The following DIRAS2 variants were observed in gnomAD, a reference collection of about 807,000 sequenced individuals.
The protein encoded by DIRAS2 is GTP-binding protein Di-Ras2.
DIRAS2 carries 5 observed loss-of-function variants against 13.9 expected under a neutral mutation model. That is an observed-to-expected ratio of 0.36 (90% CI 0.19 to 0.76). DIRAS2 has a LOEUF of 0.76. Ranked by LOEUF, DIRAS2 falls within the 30% of genes least tolerant of loss-of-function variation. The pLI is 0.53. For missense variants in DIRAS2, 191 were observed against 263.0 expected, an observed-to-expected ratio of 0.73 and a Z score of 1.89; for synonymous variants, 111 against 105.4, an observed-to-expected ratio of 1.05 and a Z score of -0.33.
In DIRAS2 at chr9:90,611,153, A is replaced by C. The variant is rs947489581; in HGVS notation, c.*2075T>G. 6 of 152,222 alleles carry C rather than the reference A, an allele frequency of 3.9e-5. No individual in the cohort carries two copies. Among genetic ancestry groups the C allele is most frequent in the Admixed American group, 3.9e-4 (6 of 15,286 alleles). The allele number at this position is 152,222 out of a possible 1,614,324, so 9.4% of individuals were successfully genotyped here. A position where few individuals can be genotyped will look rare whatever the true frequency, so the allele number is the denominator to read the frequency against. ...TCTCTCAGAATAGAAACAGAAAAAA[A>C]ATGTCGGGACAAGTTGAAAAACAAA... On this transcript the variant is annotated 3_prime_UTR_variant, in exon 2 of 2. Coordinates refer to ENST00000375765, the MANE Select transcript of DIRAS2 (RefSeq NM_017594.5).
At chr9:90,632,349 G>A (rs1170006630) in intron 1 of DIRAS2, among the ~76,000 whole-genome samples, 4 of 151,982 alleles carry the variant, frequency 2.6e-5, no homozygotes. Context: ...TCTGCCTCAG[G>A]ACCTTTGCCC....
intron 1 of DIRAS2, among the ~76,000 whole-genome samples, chr9:90,632,795 C>T (rs532810347): frequency 5.9e-5 from 9 of 152,334 alleles, no homozygotes; most frequent in African/African-American, 7.2e-5. Flanking sequence ...GCCAGAACAA[C>T]GTAAGCAAAG....
intron 1 of DIRAS2, among the ~76,000 whole-genome samples, chr9:90,634,702 A>G (rs1431783415): frequency 6.6e-6 from 1 of 152,252 alleles, no homozygotes; most frequent in Non-Finnish European, 1.5e-5. Context: ...CAGTTGGTCC[A>G]ATGAAAACAG....
At chr9:90,616,702 A>T (rs1038473798) in intron 1 of DIRAS2, among the ~76,000 whole-genome samples, 2 of 133,500 alleles carry the variant, frequency 1.5e-5, no homozygotes, top group Non-Finnish European at 3.0e-5. Context: ...ATGCCACCGC[A>T]CTCCAGCCTG....
chr9:90,626,572 A>T (rs925067489), intron 1 of DIRAS2, among the ~76,000 whole-genome samples: 1 of 152,230 alleles, frequency 6.6e-6, no homozygotes, highest in South Asian at 2.1e-4. Context: ...GTGAAGTACT[A>T]CAATGAAGTA....
rs990512804 is a variant in DIRAS2 at position 90,611,030 on chromosome 9, A to T, written c.*2198T>A. 1 of 152,246 alleles carries T rather than the reference A, an allele frequency of 6.6e-6. No homozygotes were observed. The highest frequency in any genetic ancestry group is 2.4e-5 in the African/African-American group (1 of 41,476). 9.4% of individuals were successfully genotyped at this position (152,246 alleles called of 1,614,324 possible). ...GTGGCAAAGATCGCATTCTACTGTT[A>T]ACAAAGAACCCAATCAAAATCTATA... On this transcript the variant is annotated 3_prime_UTR_variant, in exon 2 of 2. Coordinates refer to ENST00000375765, the MANE Select transcript of DIRAS2 (RefSeq NM_017594.5).
intron 1 of DIRAS2, among the ~76,000 whole-genome samples, chr9:90,636,760 G>T (rs1360105175): frequency 2.0e-5 from 3 of 152,240 alleles, no homozygotes; most frequent in Non-Finnish European, 4.4e-5. Context: ...TATTTAGTCA[G>T]AGAGATAGAC....
At chr9:90,636,852 C>T (rs1427905723) in intron 1 of DIRAS2, among the ~76,000 whole-genome samples, 1 of 152,146 alleles carries the variant, frequency 6.6e-6, no homozygotes, top group African/African-American at 2.4e-5. Flanking sequence ...CTGATAAACC[C>T]CTCATAAGTT....
chr9:90,616,847 C>T (rs1825174384), intron 1 of DIRAS2, among the ~76,000 whole-genome samples: 1 of 151,958 alleles, frequency 6.6e-6, no homozygotes, highest in African/African-American at 2.4e-5. Flanking sequence ...AAACTCAGTG[C>T]TTACCCAACA....
intron 1 of DIRAS2, among the ~76,000 whole-genome samples, chr9:90,627,258 G>T (rs1825278692): frequency 1.3e-5 from 2 of 152,230 alleles, no homozygotes; most frequent in South Asian, 4.1e-4. Context: ...AGCCAACTAA[G>T]CCTCTTTTCT....
In DIRAS2 at chr9:90,613,877, C is replaced by A; in HGVS notation, c.-36-14G>T. 1.3e-6 allele frequency: 2 copies of A among 1,546,788 alleles called. No homozygotes were observed. The highest frequency in any genetic ancestry group is 1.7e-6 in the Non-Finnish European group (2 of 1,149,020). On this transcript the variant is annotated splice_polypyrimidine_tract_variant and intron_variant, in intron 1 of 1. Coordinates refer to ENST00000375765, the MANE Select transcript of DIRAS2 (RefSeq NM_017594.5). The surrounding 1 kb of genome is among the most constrained non-coding windows in gnomAD (Gnocchi z 5.6). ...GCCAGGACGCACCTAGCAAAGGAAC[C>A]AGATGTTTGAAAGAATTAATAATTA...
chr9:90,630,196 G>A (rs779480293), intron 1 of DIRAS2, among the ~76,000 whole-genome samples: 2 of 152,108 alleles, frequency 1.3e-5, no homozygotes, highest in African/African-American at 4.8e-5. Context: ...CCAATGTCAG[G>A]TACATCAGAA....
At chr9:90,641,307 T>G in intron 1 of DIRAS2, among the ~76,000 whole-genome samples, 1 of 152,214 alleles carries the variant, frequency 6.6e-6, no homozygotes, top group East Asian at 1.9e-4. Context: ...CATGAACACA[T>G]ACTTCCCATC....
At chr9:90,620,896 T>C (rs1376035117) in intron 1 of DIRAS2, among the ~76,000 whole-genome samples, 3 of 152,252 alleles carry the variant, frequency 2.0e-5, no homozygotes, top group Non-Finnish European at 4.4e-5. Flanking sequence ...ATTGTTGTTA[T>C]ATGACCATTA....
rs548911696 is a variant in DIRAS2, at chr9:90,641,029, A to G, written c.-37+1723T>C. Reference sequence around the variant, plus strand: ...TTCAGTAAGATATGCAGTATTTACCACTGAAATAATACATTTCCAATACAG... The same window carrying G: ...TTCAGTAAGATATGCAGTATTTACCGCTGAAATAATACATTTCCAATACAG... On this transcript the variant is annotated intron_variant, in intron 1 of 1. Transcript: ENST00000375765. 5.3e-5 allele frequency among the ~76,000 whole-genome samples: 8 copies of G among 152,336 alleles called. 1 individual carries two copies. In the East Asian group the frequency reaches 1.2e-3, roughly 22 times the overall value.
rs1170504429 is a variant in DIRAS2, at chr9:90,613,178, G to A, written c.*50C>T. ...CTGACGACGGTGGGTGTCATTTTGGGGGAGTGAGGTGCCGGGGACACACAG... is the reference window on the plus strand; with the variant it reads ...CTGACGACGGTGGGTGTCATTTTGGAGGAGTGAGGTGCCGGGGACACACAG... On this transcript the variant is annotated 3_prime_UTR_variant, in exon 2 of 2. Transcript: ENST00000375765. This position sits in a 1 kb window ranked among gnomAD's most constrained non-coding sequence, Gnocchi z 5.6. 4 of 1,570,522 alleles carry A rather than the reference G, an allele frequency of 2.5e-6. No homozygotes were observed. The highest frequency in any genetic ancestry group is 2.6e-6 in the Non-Finnish European group (3 of 1,159,480).
intron 1 of DIRAS2, among the ~76,000 whole-genome samples, chr9:90,615,755 T>A (rs1417734573): frequency 1.3e-5 from 2 of 152,206 alleles, no homozygotes; most frequent in Non-Finnish European, 2.9e-5. Context: ...TCTCTCTCCT[T>A]GTCTTATAAA....
intron 1 of DIRAS2, among the ~76,000 whole-genome samples, chr9:90,624,412 T>C (rs1208322193): frequency 6.6e-6 from 1 of 152,176 alleles, no homozygotes; most frequent in Non-Finnish European, 1.5e-5. Context: ...ATTGTAGTGT[T>C]GTAAAGACAT....
At position 90,610,296 on chromosome 9, in the gene DIRAS2, G is replaced by T; in HGVS notation, c.*2932C>A. On this transcript the variant is annotated 3_prime_UTR_variant, in exon 2 of 2. Coordinates refer to ENST00000375765, the MANE Select transcript of DIRAS2 (RefSeq NM_017594.5). ...TAGCTTACAGATATGTACAATTTAT[G>T]ACTTTATACTTCAAAAATGCAGGAA... The T allele has an allele frequency of 5.0e-6, 2 of 397,150 alleles. No individual in the cohort carries two copies. The highest frequency in any genetic ancestry group is 1.4e-4 in the South Asian group (1 of 7,326). 24.6% of individuals were successfully genotyped at this position (397,150 alleles called of 1,614,324 possible).
Sources: allele counts gnomAD v4.1 joint callset (sites outside exome capture counted in the v4.1 genomes callset), GRCh38; gene constraint gnomAD v4.1.1; non-coding constraint Gnocchi (gnomAD v3.1); transcripts MANE v1.5; gene names NCBI Gene and HGNC (gene_info 2026-07-23, HGNC 2026-07-21).